The following ELMOD2 variants were observed in gnomAD, a reference collection of about 807,000 sequenced individuals.
The protein encoded by ELMOD2 is ELMO domain containing 2, also known as ELMO domain-containing protein 2.
Under a neutral mutation model 41.0 loss-of-function variants are expected in ELMOD2, and 28 were observed. That is an observed-to-expected ratio of 0.68 (90% CI 0.51 to 0.94). ELMOD2 has a LOEUF of 0.94. ELMOD2 is among the 40% of genes least tolerant of loss of function. The pLI is 0.00. For synonymous variants in ELMOD2, 106 were observed against 107.2 expected (o/e 0.99, Z 0.07); for missense variants, 333 against 343.1 (o/e 0.97, Z 0.23).
At chr4:140,524,341 G>C (rs1323587775) in intron 1 of ELMOD2, 61 bp downstream of exon 1, 1 of 152,122 alleles carries the variant, frequency 6.6e-6, no homozygotes, top group African/African-American at 2.4e-5. Context: ...CTGAGAGCGC[G>C]CGGGCTCGCG....
At position 140,553,756 on chromosome 4, in the gene ELMOD2, A is replaced by G. The variant is rs183139877; in HGVS notation, c.*3381A>G. ...GGAATGTTAAGTGAGCAAATAAAAA[A>G]CATGTTGAAATTGTTGTAAGCCTTC... On this transcript the variant is annotated 3_prime_UTR_variant, in exon 9 of 9. Transcript: ENST00000323570. 3.3e-5 allele frequency: 5 copies of G among 152,282 alleles called. No homozygotes were observed. In the East Asian group the frequency reaches 9.6e-4, roughly 29 times the overall value. 9.4% of individuals were successfully genotyped at this position (152,282 alleles called of 1,614,324 possible).
At position 140,537,438 on chromosome 4, in the gene ELMOD2, T is replaced by TA. The variant is rs1157097249; in HGVS notation, c.297dup (p.Leu100ThrfsTer7). The TA allele has an allele frequency of 6.4e-7, 1 of 1,553,322 alleles. No individual in the cohort carries two copies. Among genetic ancestry groups the TA allele is most frequent in the Non-Finnish European group, 8.6e-7 (1 of 1,157,066 alleles). ...TTTAAAATATGCATGAAGATGTGCTTACTGCAGATAACTGGTTATAAACAG... is the reference window on the plus strand; with the variant it reads ...TTTAAAATATGCATGAAGATGTGCTTAACTGCAGATAACTGGTTATAAACAG... On this transcript the variant is annotated frameshift_variant, in exon 5 of 9. Coordinates refer to ENST00000323570, the MANE Select transcript of ELMOD2 (RefSeq NM_153702.4). LOFTEE classifies it high-confidence loss of function.
chr4:140,532,155 C>G (rs1411953009), intron 3 of ELMOD2, among the ~76,000 whole-genome samples: 1 of 149,206 alleles, frequency 6.7e-6, no homozygotes, highest in Non-Finnish European at 1.5e-5. Flanking sequence ...GATAATATGT[C>G]ATGTTGAGTT....
intron 1 of ELMOD2, 94 bp from the exon 2 acceptor site, chr4:140,525,313 GAAATGATAGATAC>G (rs1428801026): frequency 8.3e-7 from 1 of 1,210,816 alleles, no homozygotes; most frequent in African/African-American, 1.5e-5. Flanking sequence ...CAGACACAAT[GAAATGATAGATAC>G]ATAATTTGAG....
intron 8 of ELMOD2, among the ~76,000 whole-genome samples, chr4:140,549,196 A>ATTT (rs1429639340): frequency 1.3e-5 from 2 of 152,146 alleles, no homozygotes; most frequent in Admixed American, 6.5e-5. Context: ...TGTTGTGTGT[A>ATTT]TTAATAGCTT....
At chr4:140,530,660 G>A (rs774521454) in intron 3 of ELMOD2, among the ~76,000 whole-genome samples, 3 of 151,980 alleles carry the variant, frequency 2.0e-5, no homozygotes, top group Non-Finnish European at 2.9e-5. Flanking sequence ...TCAACAAATG[G>A]GTAAATACTG....
intron 8 of ELMOD2, among the ~76,000 whole-genome samples, chr4:140,544,809 T>G (rs567993513): frequency 6.6e-6 from 1 of 152,296 alleles, no homozygotes; most frequent in South Asian, 2.1e-4. Context: ...AGGTGATGCC[T>G]TCTCGCCTTC....
rs1301105875 is a variant in ELMOD2 at position 140,550,271 on chromosome 4, G to A, written c.778G>A (p.Glu260Lys). 6.2e-7 allele frequency: 1 copy of A among 1,610,964 alleles called. No homozygotes were observed. Among genetic ancestry groups the A allele is most frequent in the East Asian group, 2.2e-5 (1 of 44,682 alleles). Residue 260 changes from glutamate to lysine, a missense_variant, in exon 9 of 9, where the codon GAA (glutamate) becomes AAA (lysine). By Grantham distance (56) the Glu-to-Lys change is moderately conservative (BLOSUM62 1). Coordinates refer to ENST00000323570, the MANE Select transcript of ELMOD2 (RefSeq NM_153702.4). ...YEFDKFWFEE[E>K]PESIMYFNLY... is the part of the protein sequence containing the mutation. Reference sequence around the variant, plus strand: ...ATTTGACAAGTTTTGGTTTGAAGAAGAACCAGAAAGCATTATGTATTTCAA... The same window carrying A: ...ATTTGACAAGTTTTGGTTTGAAGAAAAACCAGAAAGCATTATGTATTTCAA...
At chr4:140,532,851 G>T (rs149557589) in intron 3 of ELMOD2, among the ~76,000 whole-genome samples, 114 of 152,324 alleles carry the variant, frequency 7.5e-4, no homozygotes, top group African/African-American at 2.7e-3. Flanking sequence ...GACGTACTTT[G>T]TGAATGTAGA....
chr4:140,538,527 T>C (rs1735002493), intron 5 of ELMOD2, among the ~76,000 whole-genome samples: 1 of 152,184 alleles, frequency 6.6e-6, no homozygotes, highest in African/African-American at 2.4e-5. Flanking sequence ...ATTTAAAGTG[T>C]TTAAAATAGT....
intron 6 of ELMOD2, among the ~76,000 whole-genome samples, chr4:140,542,203 A>G (rs1460201885): frequency 9.2e-5 from 14 of 151,980 alleles, no homozygotes; most frequent in Admixed American, 9.2e-4. Flanking sequence ...AGTAGAAGGA[A>G]TGAACCTAAG....
chr4:140,541,456 C>T (rs1192878066), intron 6 of ELMOD2, among the ~76,000 whole-genome samples: 2 of 151,784 alleles, frequency 1.3e-5, no homozygotes, highest in Admixed American at 6.6e-5. Flanking sequence ...AGTAGTTTGA[C>T]TATTAAAATG....
At chr4:140,546,349 GT>G (rs1331944739) in intron 8 of ELMOD2, among the ~76,000 whole-genome samples, 117 of 149,678 alleles carry the variant, frequency 7.8e-4, no homozygotes, top group East Asian at 5.4e-3. Context: ...GGTTGGGGGA[GT>G]GGGGAGGGTT....
chr4:140,535,105 C>A (rs1734871338), intron 3 of ELMOD2, among the ~76,000 whole-genome samples: 2 of 150,256 alleles, frequency 1.3e-5, no homozygotes, highest in Admixed American at 1.3e-4. Flanking sequence ...TTTCTTCTCA[C>A]CTTTTACTTT....
In ELMOD2 at chr4:140,526,042, A is replaced by G. The variant is rs183962745; in HGVS notation, c.142+472A>G. Among the ~76,000 whole-genome samples the G allele has an allele frequency of 4.3e-4, 65 of 151,942 alleles. 1 individual carries two copies. Among genetic ancestry groups the G allele is most frequent in the Non-Finnish European group, 7.5e-4 (51 of 67,946 alleles). On this transcript the variant is annotated intron_variant, in intron 2 of 8. Coordinates refer to ENST00000323570, the MANE Select transcript of ELMOD2 (RefSeq NM_153702.4). ...TTATTAGACTCATTCTCACTGTCCA[A>G]TACCATAGCCAATAGCCACATTATA...
intron 8 of ELMOD2, 115 bp from the exon 9 acceptor site, chr4:140,550,115 A>G: frequency 1.1e-6 from 1 of 876,716 alleles, no homozygotes. Context: ...ATTACTTTTG[A>G]TTATTGTATT....
chr4:140,541,619 G>A (rs1256833343), intron 6 of ELMOD2, among the ~76,000 whole-genome samples: 1 of 151,912 alleles, frequency 6.6e-6, no homozygotes, highest in African/African-American at 2.4e-5. Flanking sequence ...GATCCCTTAG[G>A]GAATCTGATG....
chr4:140,540,313 T>TGAAGTGAAAGTGAAG lies in ELMOD2; in HGVS notation c.533+12_533+13insGAAGTGAAAGTGAAG. 6.2e-7 allele frequency: 1 copy of TGAAGTGAAAGTGAAG among 1,610,596 alleles called. No individual in the cohort carries two copies. The highest frequency in any genetic ancestry group is 2.2e-5 in the East Asian group (1 of 44,850). ...TTAATCAATCTTGTGTAAGTGAAAG[T>TGAAGTGAAAGTGAAG]AAACTTTCTTTTCTTCCCTAAATGA... On this transcript the variant is annotated intron_variant, in intron 6 of 8. Transcript: ENST00000323570.
intron 5 of ELMOD2, 22 bp downstream of exon 5, chr4:140,537,563 G>A: frequency 6.3e-7 from 1 of 1,597,420 alleles, no homozygotes; most frequent in Non-Finnish European, 8.5e-7. Context: ...TTTTCTTTAT[G>A]TGGAGTTGTT....
Sources: allele counts gnomAD v4.1 joint callset (sites outside exome capture counted in the v4.1 genomes callset), GRCh38; gene constraint gnomAD v4.1.1; transcripts MANE v1.5; gene names NCBI Gene and HGNC (gene_info 2026-07-23, HGNC 2026-07-21).